Variants in NDUFAF6 observed in about 807,000 individuals in gnomAD.
NDUFAF6 encodes the protein NADH dehydrogenase (ubiquinone) complex I, assembly factor 6.
In NDUFAF6, 45 loss-of-function variants were observed where a neutral mutation model predicts 40.8. That is an observed-to-expected ratio of 1.10 (90% CI 0.87 to 1.42). The LOEUF (loss-of-function observed/expected upper bound fraction) is 1.42. Ranked by LOEUF, NDUFAF6 falls within the 40% of genes most tolerant of loss-of-function variation. The probability of loss-of-function intolerance (pLI) is 0.00; values close to 1 mark genes in which losing one functional copy is unlikely to be tolerated. For missense variants in NDUFAF6, 435 were observed against 418.5 expected (o/e 1.04, Z -0.34); for synonymous variants, 185 against 155.9 (o/e 1.19, Z -1.39).
At chr8:94,904,320 CTTTTTTTTTTTTTT>C (rs57749627) in intron 1 of NDUFAF6, among the ~76,000 whole-genome samples, 55 of 34,136 alleles carry the variant, frequency 1.6e-3, no homozygotes, top group African/African-American at 6.1e-3. Context: ...ATTTTTTTTG[CTTTTTTTTTTTTTT>C]TTTTTTTTTT....
intron 2 of NDUFAF6, among the ~76,000 whole-genome samples, chr8:95,088,336 C>A (rs1333756949): frequency 6.6e-6 from 1 of 152,248 alleles, no homozygotes; most frequent in Non-Finnish European, 1.5e-5. Flanking sequence ...ACTCTGGATT[C>A]TTTCCATATT....
intron 1 of NDUFAF6, among the ~76,000 whole-genome samples, chr8:94,904,320 C>CT (rs57749627): frequency 0.014 from 462 of 34,120 alleles, 126 homozygotes; most frequent in Middle Eastern, 0.025. Context: ...ATTTTTTTTG[C>CT]TTTTTTTTTT....
At chr8:94,982,243 A>AG (rs55719327) in intron 2 of NDUFAF6, among the ~76,000 whole-genome samples, 1 of 151,940 alleles carries the variant, frequency 6.6e-6, no homozygotes, top group African/African-American at 2.4e-5. Flanking sequence ...AAAAAAAAAA[A>AG]TTATACATCT....
In NDUFAF6 at chr8:95,053,952, T is replaced by G. The variant is rs57737898; in HGVS notation, c.873+1722T>G. 3.6e-3 allele frequency among the ~76,000 whole-genome samples: 487 copies of G among 136,988 alleles called. 9 individuals are homozygous for G. The highest frequency in any genetic ancestry group is 0.013 in the African/African-American group (449 of 33,728). The allele number at this position is 136,988 out of a possible 152,430, so 89.9% of individuals were successfully genotyped here. A position where few individuals can be genotyped will look rare whatever the true frequency, so the allele number is the denominator to read the frequency against. ...TTTTTTTTTTTTTTTTTTTTTTTTT[T>G]GAGACAAAATCTCACTCTGTTGCCC... On this transcript the variant is annotated intron_variant, in intron 8 of 8. Coordinates refer to ENST00000396124, the MANE Select transcript of NDUFAF6 (RefSeq NM_152416.4).
At chr8:94,916,157 T>C (rs919018060) in intron 1 of NDUFAF6, among the ~76,000 whole-genome samples, 1 of 152,058 alleles carries the variant, frequency 6.6e-6, no homozygotes, top group Admixed American at 6.6e-5. Context: ...AGCAAGATAG[T>C]GTAGAAAAGA....
intron 3 of NDUFAF6, among the ~76,000 whole-genome samples, chr8:95,038,857 T>C (rs570349618): frequency 6.6e-6 from 1 of 151,778 alleles, no homozygotes; most frequent in Non-Finnish European, 1.5e-5. Context: ...TTTGTATTTT[T>C]AGTAGAGACG....
At chr8:95,036,195 C>T in intron 3 of NDUFAF6, 1 of 836,210 alleles carries the variant, frequency 1.2e-6, no homozygotes, top group Non-Finnish European at 1.6e-6. Context: ...TGTATGGATC[C>T]CTCACTCATA....
chr8:95,108,881 ATTAG>A (rs1164624464), intron 4 of NDUFAF6, among the ~76,000 whole-genome samples: 2 of 152,204 alleles, frequency 1.3e-5, no homozygotes, highest in Admixed American at 6.5e-5. Flanking sequence ...TCCAATATTG[ATTAG>A]TTAAATGGTT....
chr8:94,965,724 A>T (rs1823960748), intron 1 of NDUFAF6, among the ~76,000 whole-genome samples: 1 of 152,218 alleles, frequency 6.6e-6, no homozygotes, highest in African/African-American at 2.4e-5. Flanking sequence ...CAAGATGTCT[A>T]GCGTGGAAGA....
At chr8:95,081,324 C>T (rs936816213) in intron 2 of NDUFAF6, among the ~76,000 whole-genome samples, 3 of 151,916 alleles carry the variant, frequency 2.0e-5, no homozygotes, top group African/African-American at 7.3e-5. Context: ...AGTGCACTAC[C>T]ATGCCCAACT....
chr8:95,080,952 A>G (rs925505394), downstream of NDUFAF6, among the ~76,000 whole-genome samples: 7 of 152,076 alleles, frequency 4.6e-5, no homozygotes, highest in African/African-American at 1.7e-4. Flanking sequence ...CTCTCACCCC[A>G]TGTTAGCCCA....
chr8:95,062,576 A>G (rs975460564), downstream of NDUFAF6, among the ~76,000 whole-genome samples: 3 of 152,220 alleles, frequency 2.0e-5, no homozygotes, highest in African/African-American at 7.2e-5. Context: ...TCAAACATTC[A>G]TGTTACTTGC....
At chr8:94,973,927 T>C (rs1214496131) in intron 1 of NDUFAF6, among the ~76,000 whole-genome samples, 1 of 151,640 alleles carries the variant, frequency 6.6e-6, no homozygotes, top group African/African-American at 2.4e-5. Flanking sequence ...TCCAGAACTG[T>C]GAGAAATAAG....
intron 1 of NDUFAF6, among the ~76,000 whole-genome samples, chr8:94,906,614 A>C (rs1044419218): frequency 6.6e-6 from 1 of 152,164 alleles, no homozygotes; most frequent in Non-Finnish European, 1.5e-5. Context: ...TGTGTCAAAG[A>C]ATGTTCACCT....
chr8:95,057,844 A>C lies in NDUFAF6; in HGVS notation c.909A>C (p.Arg303=), dbSNP rs757038063. Residue 303 remains arginine, a synonymous_variant, in exon 9 of 9, where the codon CGA becomes CGC. Transcript: ENST00000396124. ...SLEDFLKKIQ[R]VDFDIFHPSL... ...AGGACTTTCTAAAGAAAATTCAGCG[A>C]GTGGATTTTGATATATTCCACCCAT... 1.2e-6 allele frequency: 2 copies of C among 1,612,266 alleles called. No individual in the cohort carries two copies. Among genetic ancestry groups the C allele is most frequent in the Admixed American group, 3.3e-5 (2 of 59,982 alleles).
In NDUFAF6 at chr8:95,045,635, C is replaced by T; in HGVS notation, c.568C>T (p.Leu190=). The change falls in exon 5 of 9, where the codon CTA becomes TTA. Residue 190 remains leucine, a synonymous_variant. Transcript: ENST00000396124. ...ACAGAGCTCTCTTCTTTACTTAACA[C>T]TAGAAATATTGGGTAAGTTGTTTTT... ...NTQSSLLYLT[L]EILGIKDLHA... The T allele has an allele frequency of 6.2e-7, 1 of 1,610,814 alleles. No individual in the cohort carries two copies.
intron 4 of NDUFAF6, among the ~76,000 whole-genome samples, chr8:95,042,909 G>A (rs536320968): frequency 6.6e-6 from 1 of 152,236 alleles, no homozygotes; most frequent in South Asian, 2.1e-4. Context: ...GCAACAAATG[G>A]TGCTGGGACA....
upstream of NDUFAF6, chr8:95,024,944 G>C (rs1827882181): frequency 1.6e-6 from 2 of 1,252,214 alleles, no homozygotes; most frequent in African/African-American, 1.6e-5. Context: ...GAACCTGCAG[G>C]GGCGTGGCCG....
intron 2 of NDUFAF6, among the ~76,000 whole-genome samples, chr8:95,081,541 A>T (rs568598222): frequency 6.6e-6 from 1 of 152,228 alleles, no homozygotes; most frequent in African/African-American, 2.4e-5. Flanking sequence ...AGCTATCCTG[A>T]TACGCTGATT....
Sources: allele counts gnomAD v4.1 joint callset (sites outside exome capture counted in the v4.1 genomes callset), GRCh38; gene constraint gnomAD v4.1.1; transcripts MANE v1.5; gene names NCBI Gene and HGNC (gene_info 2026-07-23, HGNC 2026-07-21).